The following MAGI2 variants were observed in gnomAD, a reference collection of about 807,000 sequenced individuals.
MAGI2 encodes the protein membrane associated guanylate kinase, WW and PDZ domain containing 2.
A neutral mutation model predicts 133.3 loss-of-function variants in MAGI2; 35 were observed. The observed-to-expected ratio is 0.26, with a 90% CI of 0.20 to 0.35. The LOEUF (loss-of-function observed/expected upper bound fraction) is 0.35, where lower values mean the gene tolerates loss of function less well. Ranked by LOEUF, MAGI2 falls within the 10% of genes least tolerant of loss-of-function variation. The pLI is 1.00. For missense variants in MAGI2, 1,636 were observed against 1,863.4 expected (o/e 0.88, Z 2.25); for synonymous variants, 729 against 710.6 (o/e 1.03, Z -0.41).
intron 1 of MAGI2, among the ~76,000 whole-genome samples, chr7:79,288,969 A>G (rs933173339): frequency 2.0e-5 from 3 of 152,128 alleles, no homozygotes; most frequent in Admixed American, 6.5e-5. Flanking sequence ...AGACCAATTT[A>G]TCAAACAGCA....
intron 2 of MAGI2, among the ~76,000 whole-genome samples, chr7:78,803,818 A>G (rs1370140134): frequency 6.6e-6 from 1 of 152,228 alleles, no homozygotes; most frequent in African/African-American, 2.4e-5. Flanking sequence ...ATAAAACTCT[A>G]GACTATTCTT....
rs569160004 is a variant in MAGI2, at chr7:78,350,079, C to A, written c.1104-4036G>T. 19 of 152,304 alleles carry A rather than the reference C, an allele frequency of 1.2e-4. No individual in the cohort carries two copies. In the South Asian group the frequency reaches 3.9e-3, roughly 32 times the overall value. 9.4% of individuals were successfully genotyped at this position (152,304 alleles called of 1,614,324 possible). A position where few individuals can be genotyped will look rare whatever the true frequency, so the allele number is the denominator to read the frequency against. ...TATTAAAAGCTAAAAGCGTAAGAGT[C>A]ATATTCTGAAGTGCGTATATCTTAA... is the stretch of plus-strand genomic sequence containing the variant. On this transcript the variant is annotated intron_variant, in intron 7 of 21. Transcript: ENST00000354212.
intron 7 of MAGI2, among the ~76,000 whole-genome samples, chr7:78,359,687 A>G (rs755792727): frequency 1.4e-4 from 21 of 152,226 alleles, no homozygotes; most frequent in Non-Finnish European, 2.5e-4. Flanking sequence ...GAATGGTAAT[A>G]TATGTTACTG....
intron 6 of MAGI2, chr7:78,486,055 T>C (rs567665732): frequency 1.3e-5 from 2 of 152,214 alleles, no homozygotes; most frequent in African/African-American, 2.4e-5. Context: ...GCTGCTCTTG[T>C]TGTGTCTGGG....
intron 6 of MAGI2, among the ~76,000 whole-genome samples, chr7:78,458,348 C>T (rs553535026): frequency 6.6e-5 from 10 of 150,856 alleles, no homozygotes; most frequent in African/African-American, 2.2e-4. Context: ...TCTTATGTTC[C>T]TGTTGAAACC....
chr7:78,348,241 C>G (rs1053602604), intron 7 of MAGI2: 2 of 152,136 alleles, frequency 1.3e-5, no homozygotes, highest in Non-Finnish European at 2.9e-5. Context: ...TTTCAGGTGG[C>G]ATCTTGGGCA....
intron 1 of MAGI2, among the ~76,000 whole-genome samples, chr7:79,023,491 C>A (rs1486825546): frequency 6.6e-6 from 1 of 152,110 alleles, no homozygotes; most frequent in Non-Finnish European, 1.5e-5. Context: ...CCAGAGAAAT[C>A]TGGCAAGAGA....
intron 2 of MAGI2, among the ~76,000 whole-genome samples, chr7:78,658,785 A>T (rs1257433652): frequency 2.0e-5 from 3 of 152,196 alleles, no homozygotes; most frequent in Admixed American, 2.0e-4. Flanking sequence ...ACCTATCACG[A>T]CAGCTAAAAT....
At position 79,007,125 on chromosome 7, in the gene MAGI2, A is replaced by G. The variant is rs754645962; in HGVS notation, c.383T>C (p.Ile128Thr). The change falls in exon 2 of 22, where the codon ATC (isoleucine) becomes ACC (threonine). Residue 128 changes from isoleucine to threonine, a missense_variant. Physicochemically the swap from Ile to Thr is moderately conservative, Grantham distance 89. This residue lies in a region of MAGI2 where 148 missense variants were observed against 239.0 expected (regional missense o/e 0.62). Coordinates refer to ENST00000354212, the MANE Select transcript of MAGI2 (RefSeq NM_012301.4). ...GCGGAGGTAGAGGTTGTCACGAATG[A>G]TTTGCTGAAGCTCATGGTCCACAGA... The part of the protein sequence containing the change: ...KGSVDHELQQ[I>T]IRDNLYLRTV... 12 of 1,613,268 alleles carry G rather than the reference A, an allele frequency of 7.4e-6. 1 individual carries two copies. Among genetic ancestry groups the G allele is most frequent in the Middle Eastern group, 1.6e-4 (1 of 6,062 alleles).
At chr7:79,149,780 CT>C (rs1823015565) in intron 1 of MAGI2, among the ~76,000 whole-genome samples, 1 of 152,004 alleles carries the variant, frequency 6.6e-6, no homozygotes. Context: ...CACAAGGTTT[CT>C]TTTAAAAATA....
chr7:78,716,558 T>A lies in MAGI2; in HGVS notation c.419-89319A>T, dbSNP rs1819723263. Among the ~76,000 whole-genome samples, 5 of 152,326 alleles carry A rather than the reference T, an allele frequency of 3.3e-5. No homozygotes were observed. In the South Asian group the frequency reaches 1.0e-3, roughly 32 times the overall value. The stretch of plus-strand genomic sequence containing the variant: ...GGGAAAACATTAAAAATTTTAGACA[T>A]CTAATATTCAATTTTATGTTGTTGC... On this transcript the variant is annotated intron_variant, in intron 2 of 21. Coordinates refer to ENST00000354212, the MANE Select transcript of MAGI2 (RefSeq NM_012301.4).
At chr7:78,675,894 C>T (rs1814972041) in intron 2 of MAGI2, among the ~76,000 whole-genome samples, 1 of 152,094 alleles carries the variant, frequency 6.6e-6, no homozygotes, top group African/African-American at 2.4e-5. Context: ...ACTAGTGTTC[C>T]ATGCACACTG....
intron 1 of MAGI2, among the ~76,000 whole-genome samples, chr7:79,357,189 A>G (rs543072566): frequency 2.6e-5 from 4 of 152,334 alleles, no homozygotes; most frequent in African/African-American, 9.6e-5. Context: ...AACCCAAAGG[A>G]CTGGAAAGTC....
intron 9 of MAGI2, among the ~76,000 whole-genome samples, chr7:78,269,691 T>C (rs944825383): frequency 1.3e-5 from 2 of 152,204 alleles, no homozygotes; most frequent in Non-Finnish European, 2.9e-5. Context: ...GATGGATAGA[T>C]TGCAAAAATT....
chr7:78,606,124 G>A (rs139483185), intron 3 of MAGI2, among the ~76,000 whole-genome samples: 3 of 152,292 alleles, frequency 2.0e-5, no homozygotes, highest in East Asian at 3.9e-4. Flanking sequence ...GGGCAGTTGT[G>A]TAGATGGCTG....
intron 2 of MAGI2, among the ~76,000 whole-genome samples, chr7:78,849,249 G>A (rs994133586): frequency 2.6e-5 from 4 of 152,000 alleles, no homozygotes; most frequent in Non-Finnish European, 5.9e-5. Context: ...CAGTACCTGA[G>A]TACAACAATA....
At chr7:78,314,477 G>A (rs1368540149) in intron 9 of MAGI2, among the ~76,000 whole-genome samples, 3 of 152,122 alleles carry the variant, frequency 2.0e-5, no homozygotes, top group African/African-American at 7.2e-5. Flanking sequence ...ACTTATAAGA[G>A]GGCATGGAAA....
At chr7:78,837,354 G>A (rs192145746) in intron 2 of MAGI2, among the ~76,000 whole-genome samples, 40 of 152,092 alleles carry the variant, frequency 2.6e-4, no homozygotes, top group Middle Eastern at 3.4e-3. Context: ...ATTTATGCTT[G>A]GTTTGATTAA....
At chr7:78,945,424 A>T (rs1361486472) in intron 2 of MAGI2, among the ~76,000 whole-genome samples, 1 of 152,186 alleles carries the variant, frequency 6.6e-6, no homozygotes, top group Admixed American at 6.5e-5. Context: ...TAATATTTTG[A>T]AGCACATATA....
Sources: gnomAD v4.1 joint callset for allele counts (sites outside exome capture counted in the v4.1 genomes callset) on GRCh38, gnomAD v4.1.1 for gene constraint, gnomAD v4.1.1 regional missense constraint, MANE v1.5 for transcripts, NCBI Gene and HGNC (gene_info 2026-07-23, HGNC 2026-07-21) for gene names.